PRTG: variants seen among roughly 807,000 people sequenced by gnomAD.
PRTG encodes the protein protogenin.
A neutral mutation model predicts 122.5 loss-of-function variants in PRTG; 67 were observed. That is an observed-to-expected ratio of 0.55 (90% CI 0.45 to 0.67). The LOEUF (loss-of-function observed/expected upper bound fraction) is 0.67, where lower values mean the gene tolerates loss of function less well. Ranked by LOEUF, PRTG falls within the 30% of genes least tolerant of loss-of-function variation. The pLI, the probability that PRTG is intolerant of heterozygous loss-of-function variation, is 0.00. For synonymous variants in PRTG, 554 were observed against 501.1 expected, an observed-to-expected ratio of 1.11 and a Z score of -1.41; for missense variants, 1,435 against 1,415.4, an observed-to-expected ratio of 1.01 and a Z score of -0.22.
Position 55,726,656 on chromosome 15 carries a change from A to G in PRTG, c.397+13726T>C, listed in dbSNP as rs567051439. On this transcript the variant is annotated intron_variant, in intron 2 of 19. Coordinates refer to ENST00000389286, the MANE Select transcript of PRTG (RefSeq NM_173814.6). ...ATCTTCGTCTCAAAAAAAAAAAAAA[A>G]ATAGATTAAAATTATAAAAAGTATT... is the stretch of plus-strand genomic sequence containing the variant. 2.0e-5 allele frequency among the ~76,000 whole-genome samples: 3 copies of G among 151,112 alleles called. No individual in the cohort carries two copies. In the East Asian group the frequency reaches 5.8e-4, roughly 29 times the overall value.
chr15:55,643,785 C>T (rs1038581441), intron 11 of PRTG, among the ~76,000 whole-genome samples: 2 of 152,044 alleles, frequency 1.3e-5, no homozygotes, highest in Non-Finnish European at 1.5e-5. Flanking sequence ...TTGTTATTTC[C>T]GTGACAAAGT....
intron 10 of PRTG, 97 bp from the exon 11 acceptor site, chr15:55,672,730 C>T: frequency 2.4e-6 from 2 of 845,940 alleles, no homozygotes; most frequent in Non-Finnish European, 1.7e-6. Flanking sequence ...CAAACAATTA[C>T]CAAAAGGTTC....
At chr15:55,621,375 A>G (rs2059165309) in intron 18 of PRTG, among the ~76,000 whole-genome samples, 2 of 151,286 alleles carry the variant, frequency 1.3e-5, no homozygotes, top group Non-Finnish European at 3.0e-5. Flanking sequence ...AAAACAAAAT[A>G]GGCCAGGTAC....
At chr15:55,654,117 C>T (rs117186662) in intron 11 of PRTG, among the ~76,000 whole-genome samples, 1,818 of 152,220 alleles carry the variant, frequency 0.012, 21 homozygotes, top group Admixed American at 0.018. Context: ...TGATCTTCTA[C>T]GTACTTCTCT....
intron 2 of PRTG, among the ~76,000 whole-genome samples, chr15:55,740,042 A>G (rs777540610): frequency 3.9e-5 from 6 of 152,244 alleles, no homozygotes; most frequent in Admixed American, 6.5e-5. Flanking sequence ...ACTAATTTCC[A>G]TAAGATTAAA....
At chr15:55,665,055 G>C (rs533560958) in intron 11 of PRTG, among the ~76,000 whole-genome samples, 1 of 151,632 alleles carries the variant, frequency 6.6e-6, no homozygotes, top group African/African-American at 2.4e-5. Flanking sequence ...TCAGGAGATC[G>C]AGACCATCCT....
chr15:55,647,529 C>T (rs533213928), intron 11 of PRTG, among the ~76,000 whole-genome samples: 1 of 152,236 alleles, frequency 6.6e-6, no homozygotes, highest in Non-Finnish European at 1.5e-5. Flanking sequence ...TTTTCTAAGC[C>T]TCATTTATTT....
chr15:55,707,870 C>CTT (rs1331541084), intron 2 of PRTG, among the ~76,000 whole-genome samples: 1 of 152,138 alleles, frequency 6.6e-6, no homozygotes, highest in African/African-American at 2.4e-5. Flanking sequence ...GATTTCCCAA[C>CTT]TTTGTGCAGA....
intron 2 of PRTG, among the ~76,000 whole-genome samples, chr15:55,709,078 G>A (rs780413824): frequency 4.7e-5 from 7 of 148,666 alleles, no homozygotes; most frequent in East Asian, 2.0e-4. Flanking sequence ...CCCAGGAGGC[G>A]GAGGTTGCGG....
rs562090396 is a variant in PRTG, at chr15:55,646,351, C to T, written c.2042-5143G>A. On this transcript the variant is annotated intron_variant, in intron 11 of 19. Transcript: ENST00000389286. ...TCTTTTTTTTTTTTTAGGACGGAGT[C>T]TTGCTCTGTCGCCCAGGATGGAGTG... 1.7e-3 allele frequency among the ~76,000 whole-genome samples: 253 copies of T among 145,096 alleles called. 1 individual carries two copies. Among genetic ancestry groups the T allele is most frequent in the African/African-American group, 6.2e-3 (243 of 39,328 alleles).
intron 11 of PRTG, among the ~76,000 whole-genome samples, chr15:55,665,259 C>G (rs1419713054): frequency 6.7e-6 from 1 of 150,116 alleles, no homozygotes; most frequent in African/African-American, 2.5e-5. Context: ...GACTCTGTCT[C>G]AAAAAAAAGA....
At chr15:55,621,656 G>GACAAA (rs1220644444) in intron 18 of PRTG, among the ~76,000 whole-genome samples, 1 of 151,744 alleles carries the variant, frequency 6.6e-6, no homozygotes, top group Non-Finnish European at 1.5e-5. Context: ...AACAAAACAA[G>GACAAA]ACAAAACAAA....
chr15:55,636,611 G>C (rs1466187655), intron 15 of PRTG, among the ~76,000 whole-genome samples: 2 of 151,832 alleles, frequency 1.3e-5, no homozygotes, highest in African/African-American at 2.4e-5. Flanking sequence ...TAGTCCATTT[G>C]CATTACTCTA....
At chr15:55,690,683 C>A (rs1452013267) in intron 2 of PRTG, among the ~76,000 whole-genome samples, 3 of 152,134 alleles carry the variant, frequency 2.0e-5, no homozygotes, top group Non-Finnish European at 4.4e-5. Context: ...AAACACTTCT[C>A]GTTCCAAGCA....
chr15:55,740,877 T>A (rs1024174486), intron 1 of PRTG, among the ~76,000 whole-genome samples, 193 bp from the exon 2 acceptor site: 4 of 152,208 alleles, frequency 2.6e-5, no homozygotes, highest in Admixed American at 1.3e-4. Context: ...GAGAAATCAC[T>A]TTTTACATCT....
chr15:55,628,164 G>A (rs999772928), intron 16 of PRTG, among the ~76,000 whole-genome samples: 5 of 151,940 alleles, frequency 3.3e-5, no homozygotes, highest in East Asian at 1.9e-4. Flanking sequence ...GTGAAGCTAC[G>A]AGCCCTTAAT....
chr15:55,668,340 A>G (rs1412137712), intron 11 of PRTG, among the ~76,000 whole-genome samples: 1 of 152,204 alleles, frequency 6.6e-6, no homozygotes, highest in East Asian at 1.9e-4. Flanking sequence ...ACAGTTTTTG[A>G]CAGCTTGTGA....
intron 11 of PRTG, among the ~76,000 whole-genome samples, chr15:55,668,811 T>TA (rs2059452216): frequency 1.3e-5 from 2 of 152,142 alleles, no homozygotes; most frequent in South Asian, 2.1e-4. Context: ...TTAGCTACTT[T>TA]AAAAAAACTG....
At chr15:55,624,809 G>T (rs901551356) in intron 17 of PRTG, among the ~76,000 whole-genome samples, 2 of 151,974 alleles carry the variant, frequency 1.3e-5, no homozygotes, top group Non-Finnish European at 2.9e-5. Context: ...TCCCCTTAAG[G>T]TCTGAGGATT....
Sources: gnomAD v4.1 joint callset for allele counts (sites outside exome capture counted in the v4.1 genomes callset) on GRCh38, gnomAD v4.1.1 for gene constraint, MANE v1.5 for transcripts, NCBI Gene and HGNC (gene_info 2026-07-23, HGNC 2026-07-21) for gene names.